PREX2: variants seen among roughly 807,000 people sequenced by gnomAD.
PREX2 encodes the protein phosphatidylinositol 3,4,5-trisphosphate-dependent Rac exchanger 2 protein.
PREX2 carries 107 observed loss-of-function variants against 203.2 expected under a neutral mutation model. The ratio of observed to expected loss-of-function variants is 0.53; its 90% CI spans 0.45 to 0.62. The LOEUF is 0.62. PREX2 is among the 20% of genes least tolerant of loss of function. The pLI is 0.00. For synonymous variants in PREX2, 672 were observed against 663.6 expected, an observed-to-expected ratio of 1.01 and a Z score of -0.19; for missense variants, 1,777 against 1,955.9, an observed-to-expected ratio of 0.91 and a Z score of 1.72.
At chr8:68,178,320 C>T (rs552189646) in intron 35 of PREX2, among the ~76,000 whole-genome samples, 1 of 152,218 alleles carries the variant, frequency 6.6e-6, no homozygotes, top group East Asian at 1.9e-4. Flanking sequence ...GCCATTTTGA[C>T]TGGTATGAGA....
At chr8:68,172,413 G>A (rs181140216) in intron 35 of PREX2, among the ~76,000 whole-genome samples, 12 of 152,304 alleles carry the variant, frequency 7.9e-5, no homozygotes, top group Admixed American at 4.6e-4. Context: ...CCTCGTGCCC[G>A]AGAGCCTCAC....
chr8:68,167,686 A>G (rs1811792193), intron 35 of PREX2, among the ~76,000 whole-genome samples: 1 of 151,822 alleles, frequency 6.6e-6, no homozygotes, highest in Admixed American at 6.6e-5. Context: ...TTCACCTCTC[A>G]CTTAGCATCT....
At position 68,044,543 on chromosome 8, in the gene PREX2, G is replaced by T; in HGVS notation, c.896G>T (p.Arg299Leu). The stretch of plus-strand genomic sequence containing the variant: ...GGACATCGGTACCTTTTTCGTGGCC[G>T]GATCAACACGGAGGTGATGGAAGTG... Reference protein sequence around the residue: ...TDGHRYLFRGRINTEVMEVEN... With the variant: ...TDGHRYLFRGLINTEVMEVEN... Residue 299 changes from arginine to leucine, a missense_variant, in exon 8 of 40, where the codon CGG (arginine) becomes CTG (leucine). Arg to Leu is a moderately radical substitution (Grantham distance 102). Coordinates refer to ENST00000288368, the MANE Select transcript of PREX2 (RefSeq NM_024870.4). 1 of 1,612,446 alleles carries T rather than the reference G, an allele frequency of 6.2e-7. No homozygotes were observed. The highest frequency in any genetic ancestry group is 8.5e-7 in the Non-Finnish European group (1 of 1,179,034).
chr8:68,004,025 T>A (rs71515084), intron 1 of PREX2, among the ~76,000 whole-genome samples: 15,166 of 152,084 alleles, frequency 0.1, 798 homozygotes, highest in South Asian at 0.16. Flanking sequence ...CTGGCTAATT[T>A]TTGTATTTTT....
At chr8:68,005,475 C>A (rs1807067522) in intron 1 of PREX2, among the ~76,000 whole-genome samples, 1 of 152,224 alleles carries the variant, frequency 6.6e-6, no homozygotes, top group Non-Finnish European at 1.5e-5. Flanking sequence ...CCACTGCCAT[C>A]ACCCAGGCCA....
rs1019966383 is a variant in PREX2, at chr8:68,109,729, G to T, written c.3146+106G>T. 6.5e-5 allele frequency: 57 copies of T among 881,736 alleles called. No individual in the cohort carries two copies. The Admixed American group carries it at 1.1e-3, about 17-fold the overall frequency. The allele number at this position is 881,736 out of a possible 1,614,324, so 54.6% of individuals were successfully genotyped here. The stretch of plus-strand genomic sequence containing the variant: ...CTCTTTAGTTATTGGAAATTTAGGA[G>T]ATTTGTGCTGATTATATAGATCCTC... On this transcript the variant is annotated intron_variant, in intron 25 of 39. Coordinates refer to ENST00000288368, the MANE Select transcript of PREX2 (RefSeq NM_024870.4).
At chr8:68,147,974 C>T (rs1256260962) in intron 34 of PREX2, among the ~76,000 whole-genome samples, 1 of 152,060 alleles carries the variant, frequency 6.6e-6, no homozygotes, top group African/African-American at 2.4e-5. Context: ...GGGCTAGTTG[C>T]GGTGGCTCAC....
intron 1 of PREX2, among the ~76,000 whole-genome samples, chr8:67,998,547 A>G (rs770566538): frequency 2.6e-5 from 4 of 152,190 alleles, no homozygotes; most frequent in Non-Finnish European, 5.9e-5. Context: ...AGGCAGGAAG[A>G]TCGCTTGAGG....
intron 23 of PREX2, chr8:68,105,931 C>T (rs185113090): frequency 4.9e-4 from 79 of 162,786 alleles, no homozygotes; most frequent in South Asian, 3.5e-4. Flanking sequence ...GGCACATTGC[C>T]GTTACTTTTA....
At chr8:68,057,072 G>A (rs752731380) in intron 10 of PREX2, among the ~76,000 whole-genome samples, 5 of 152,230 alleles carry the variant, frequency 3.3e-5, no homozygotes, top group African/African-American at 7.2e-5. Flanking sequence ...TAATCCCCAC[G>A]TGTCAGGGGA....
At chr8:67,973,963 T>C (rs1045711166) in intron 1 of PREX2, among the ~76,000 whole-genome samples, 2 of 152,190 alleles carry the variant, frequency 1.3e-5, no homozygotes, top group Admixed American at 6.5e-5. Flanking sequence ...TTAATGCACA[T>C]TTTTTTCCTT....
intron 31 of PREX2, among the ~76,000 whole-genome samples, chr8:68,131,269 GT>G (rs1330532944): frequency 6.6e-6 from 1 of 152,206 alleles, no homozygotes; most frequent in Non-Finnish European, 1.5e-5. Flanking sequence ...TTCTAACTTT[GT>G]TATTCACTGT....
intron 30 of PREX2, 106 bp downstream of exon 30, chr8:68,121,155 C>T: frequency 8.5e-7 from 1 of 1,181,926 alleles, no homozygotes; most frequent in Non-Finnish European, 1.2e-6. Context: ...GCAGTGTTTC[C>T]TTTTGTGAAG....
chr8:68,229,316 T>C (rs1401358251), intron 39 of PREX2, among the ~76,000 whole-genome samples: 1 of 152,118 alleles, frequency 6.6e-6, no homozygotes, highest in African/African-American at 2.4e-5. Flanking sequence ...GGAATGAGTA[T>C]ACAAAAGGGC....
intron 35 of PREX2, among the ~76,000 whole-genome samples, chr8:68,180,728 T>C (rs1812068235): frequency 6.6e-6 from 1 of 152,124 alleles, no homozygotes; most frequent in Non-Finnish European, 1.5e-5. Flanking sequence ...ATTCAGGACT[T>C]GATATCTAGA....
At chr8:67,989,673 G>T (rs181023117) in intron 1 of PREX2, among the ~76,000 whole-genome samples, 1 of 152,126 alleles carries the variant, frequency 6.6e-6, no homozygotes, top group East Asian at 1.9e-4. Flanking sequence ...TCAGTATTAC[G>T]TAAAAATAGC....
chr8:68,087,689 A>G (rs747884159), intron 18 of PREX2, 35 bp from the exon 19 acceptor site: 2 of 1,457,864 alleles, frequency 1.4e-6, no homozygotes, highest in Admixed American at 1.7e-5. Context: ...TTTGATTCTT[A>G]CGCTTCATCT....
chr8:68,076,073 A>G lies in PREX2; in HGVS notation c.1570-1324A>G, dbSNP rs1006245078. ...GAGATAGCATAAAACCAAGATATGG[A>G]AAGTTTCAAAAGCCCAACAGAGAAT... On this transcript the variant is annotated intron_variant, in intron 14 of 39. Transcript: ENST00000288368. Among the ~76,000 whole-genome samples, 8 of 152,294 alleles carry G rather than the reference A, an allele frequency of 5.3e-5. No homozygotes were observed. The South Asian group carries it at 1.7e-3, about 32-fold the overall frequency.
At chr8:68,190,689 CCCA>C (rs1241776561) in intron 35 of PREX2, among the ~76,000 whole-genome samples, 1 of 151,860 alleles carries the variant, frequency 6.6e-6, no homozygotes, top group East Asian at 1.9e-4. Flanking sequence ...AAGCCCAAAT[CCCA>C]CCATTATGTA....
Sources: gnomAD v4.1 joint callset for allele counts (sites outside exome capture counted in the v4.1 genomes callset) on GRCh38, gnomAD v4.1.1 for gene constraint, MANE v1.5 for transcripts, NCBI Gene and HGNC (gene_info 2026-07-23, HGNC 2026-07-21) for gene names.